SRRT: variants seen among roughly 807,000 people sequenced by gnomAD.
The protein encoded by SRRT is serrate, RNA effector molecule.
A neutral mutation model predicts 103.2 loss-of-function variants in SRRT; 32 were observed. That is an observed-to-expected ratio of 0.31 (90% CI 0.23 to 0.42). SRRT has a LOEUF of 0.42. Ranked by LOEUF, SRRT falls within the 10% of genes least tolerant of loss-of-function variation. The pLI is 1.00. For missense variants in SRRT, 986 were observed against 1,207.5 expected (o/e 0.82, Z 2.72); for synonymous variants, 525 against 449.0 (o/e 1.17, Z -2.14).
chr7:100,885,601 A>C lies in SRRT; in HGVS notation c.1318-100A>C. On this transcript the variant is annotated intron_variant, in intron 10 of 19. Transcript: ENST00000611405. This position sits in a 1 kb window ranked among gnomAD's most constrained non-coding sequence, Gnocchi z 4.8. ...CCTGCCCAAGGATGGGAAGAGTGAT[A>C]AGGCAGTTAGTCCCTAGGGTTCTGA... 7.7e-7 allele frequency: 1 copy of C among 1,302,650 alleles called. No homozygotes were observed. Among genetic ancestry groups the C allele is most frequent in the South Asian group, 1.3e-5 (1 of 78,842 alleles). 80.7% of individuals were successfully genotyped at this position (1,302,650 alleles called of 1,614,324 possible).
At chr7:100,877,886 G>T (rs184968712) in intron 2 of SRRT, among the ~76,000 whole-genome samples, 131 of 152,304 alleles carry the variant, frequency 8.6e-4, no homozygotes, top group East Asian at 7.7e-4. Context: ...ATTTTTACTT[G>T]AATGAATGAC....
rs1563020049 is a variant in SRRT, at chr7:100,884,809, A to C, written c.1012A>C (p.Lys338Gln). The C allele has an allele frequency of 6.2e-7, 1 of 1,613,922 alleles. No homozygotes were observed. The highest frequency in any genetic ancestry group is 8.5e-7 in the Non-Finnish European group (1 of 1,180,010). Residue 338 changes from lysine to glutamine, a missense_variant, in exon 8 of 20, where the codon AAA becomes CAA. Transcript: ENST00000611405. The part of the protein sequence containing the change: ...SEGDGDKEEK[K>Q]EDSEKEAKKS... ...GGGTGATGGGGACAAGGAAGAGAAG[A>C]AAGAAGACTCCGAGAAGGAAGCCAA...
chr7:100,886,545 C>A, intron 13 of SRRT, 110 bp downstream of exon 13: 1 of 1,214,234 alleles, frequency 8.2e-7, no homozygotes, highest in Non-Finnish European at 1.1e-6. Flanking sequence ...CACTCGCCTG[C>A]TCACTCATTT....
rs1157990229 is a variant in SRRT at position 100,881,272 on chromosome 7, T to C, written c.123-13T>C. The C allele has an allele frequency of 3.7e-6, 6 of 1,604,650 alleles. No individual in the cohort carries two copies. The Admixed American group carries it at 1.0e-4, about 27-fold the overall frequency. ...CCTGGCCTTTAATCTTTGTTACTTG[T>C]TCTTACTGCCAGAGAGTGGGACCGT... On this transcript the variant is annotated splice_polypyrimidine_tract_variant and intron_variant, in intron 2 of 19. Transcript: ENST00000611405.
At position 100,885,987 on chromosome 7, in the gene SRRT, G is replaced by A. The variant is rs773654969; in HGVS notation, c.1458+46G>A. 2.5e-6 allele frequency: 4 copies of A among 1,589,392 alleles called. No individual in the cohort carries two copies. The East Asian group carries it at 6.7e-5, about 27-fold the overall frequency. On this transcript the variant is annotated intron_variant, in intron 12 of 19. Coordinates refer to ENST00000611405, the MANE Select transcript of SRRT (RefSeq NM_015908.6). The surrounding 1 kb of genome is among the most constrained non-coding windows in gnomAD (Gnocchi z 4.8). ...TGTGGGGAAGAGGAAGGGAGACTCT[G>A]TGCCACACGGGACCTCTGTGTGACT...
At chr7:100,886,483 C>T (rs747070676) in intron 13 of SRRT, 48 bp downstream of exon 13, 3 of 1,544,840 alleles carry the variant, frequency 1.9e-6, no homozygotes, top group Admixed American at 3.7e-5. Flanking sequence ...GGTAGTGCCT[C>T]TGCTGTGGGC....
In SRRT at chr7:100,882,134, T is replaced by A. The variant is rs1789635040; in HGVS notation, c.480T>A (p.Asp160Glu). ...KTFKEFLLSL[D>E]DSVDETEAVK... ...TCAAGGAGTTTCTCCTCTCCCTGGATGACTCGGTGGATGAGACGGAGGCCG... is the reference window on the plus strand; with the variant it reads ...TCAAGGAGTTTCTCCTCTCCCTGGAAGACTCGGTGGATGAGACGGAGGCCG... Residue 160 changes from aspartate to glutamate, a missense_variant, in exon 5 of 20, where the codon GAT becomes GAA. Asp to Glu is a conservative substitution (Grantham distance 45). Coordinates refer to ENST00000611405, the MANE Select transcript of SRRT (RefSeq NM_015908.6). This position sits in a 1 kb window ranked among gnomAD's most constrained non-coding sequence, Gnocchi z 4.2. 9 of 1,614,024 alleles carry A rather than the reference T, an allele frequency of 5.6e-6. No homozygotes were observed. The highest frequency in any genetic ancestry group is 7.6e-6 in the Non-Finnish European group (9 of 1,180,024).
chr7:100,877,449 CCA>C (rs1815853963), intron 2 of SRRT, among the ~76,000 whole-genome samples: 1 of 147,740 alleles, frequency 6.8e-6, no homozygotes, highest in Non-Finnish European at 1.5e-5. Flanking sequence ...AAAGCCACTT[CCA>C]TCAATGATTC....
Position 100,875,693 on chromosome 7 carries a change from G to A in SRRT, c.103G>A (p.Gly35Arg). 6.2e-7 allele frequency: 1 copy of A among 1,614,048 alleles called. No homozygotes were observed. The highest frequency in any genetic ancestry group is 8.5e-7 in the Non-Finnish European group (1 of 1,179,932). Reference protein sequence around the residue: ...RSRERDERRRGDDWNDREWDR... With the variant: ...RSRERDERRRRDDWNDREWDR... Reference sequence around the variant, plus strand: ...CCGCGAGAGAGATGAAAGACGTCGAGGGGACGATTGGAATGACAGGTGAGC... The same window carrying A: ...CCGCGAGAGAGATGAAAGACGTCGAAGGGACGATTGGAATGACAGGTGAGC... Residue 35 changes from glycine to arginine, a missense_variant, in exon 2 of 20, where the codon GGG becomes AGG. By Grantham distance (125) the Gly-to-Arg change is moderately radical. This residue lies in a region of SRRT where 274 missense variants were observed against 358.5 expected (regional missense o/e 0.76). Coordinates refer to ENST00000611405, the MANE Select transcript of SRRT (RefSeq NM_015908.6).
In SRRT at chr7:100,881,704, C is replaced by T. The variant is rs1030518665; in HGVS notation, c.297C>T (p.Pro99=). The part of the protein sequence containing the change: ...SDPYHSGYEM[P]YAGGGGGPTY... ...CATACCACAGTGGCTATGAGATGCC[C>T]TATGCTGGGGGGGGTGGGGGCCCAA... The change falls in exon 4 of 20, where the codon CCC becomes CCT. Residue 99 remains proline (P), a synonymous_variant. Coordinates refer to ENST00000611405, the MANE Select transcript of SRRT (RefSeq NM_015908.6). 5.0e-6 allele frequency: 8 copies of T among 1,614,008 alleles called. No individual in the cohort carries two copies. The highest frequency in any genetic ancestry group is 6.8e-6 in the Non-Finnish European group (8 of 1,179,998).
Position 100,885,158 on chromosome 7 carries a change from A to G in SRRT, c.1160-55A>G. 1 of 1,604,316 alleles carries G rather than the reference A, an allele frequency of 6.2e-7. No individual in the cohort carries two copies. Among genetic ancestry groups the G allele is most frequent in the Non-Finnish European group, 8.5e-7 (1 of 1,174,248 alleles). Reference sequence around the variant, plus strand: ...AGGGGAAAGCTTCTGTATCCTCCCCACCACAATCAGTAATAAAAATGCACC... The same window carrying G: ...AGGGGAAAGCTTCTGTATCCTCCCCGCCACAATCAGTAATAAAAATGCACC... On this transcript the variant is annotated intron_variant, in intron 9 of 19. Transcript: ENST00000611405. This position sits in a 1 kb window ranked among gnomAD's most constrained non-coding sequence, Gnocchi z 4.8.
intron 2 of SRRT, 120 bp downstream of exon 2, chr7:100,875,832 A>G: frequency 7.5e-7 from 1 of 1,327,820 alleles, no homozygotes; most frequent in South Asian, 1.3e-5. Flanking sequence ...GGCTCATTGG[A>G]CCGTTTTCTG....
intron 6 of SRRT, 25 bp downstream of exon 6, chr7:100,884,264 G>A (rs765301567): frequency 3.1e-6 from 5 of 1,614,026 alleles, no homozygotes; most frequent in Non-Finnish European, 4.2e-6. Flanking sequence ...AGGGGTGGCA[G>A]GCATCTGGGC....
At position 100,884,780 on chromosome 7, in the gene SRRT, C is replaced by T. The variant is rs755172483; in HGVS notation, c.983C>T (p.Ser328Leu). Residue 328 changes from serine (S) to leucine (L), a missense_variant, in exon 8 of 20, where the codon TCG becomes TTG. Coordinates refer to ENST00000611405, the MANE Select transcript of SRRT (RefSeq NM_015908.6). Reference protein sequence around the residue: ...DSSNDDKTKKSEGDGDKEEKK... With the variant: ...DSSNDDKTKKLEGDGDKEEKK... ...TCTAATGATGACAAAACAAAGAAGT[C>T]GGAGGGTGATGGGGACAAGGAAGAG... 1.7e-5 allele frequency: 27 copies of T among 1,613,650 alleles called. No individual in the cohort carries two copies. The highest frequency in any genetic ancestry group is 2.7e-5 in the African/African-American group (2 of 74,760).
At chr7:100,881,492 T>G in intron 3 of SRRT, 79 bp downstream of exon 3, 1 of 1,575,042 alleles carries the variant, frequency 6.3e-7, no homozygotes, top group Non-Finnish European at 8.6e-7. Flanking sequence ...CACCTGTGCC[T>G]AAATCTTTGT....
At position 100,887,091 on chromosome 7, in the gene SRRT, G is replaced by T. The variant is rs1046329487; in HGVS notation, c.1866G>T (p.Leu622Phe). The T allele has an allele frequency of 1.2e-6, 2 of 1,614,102 alleles. No individual in the cohort carries two copies. The highest frequency in any genetic ancestry group is 1.7e-6 in the Non-Finnish European group (2 of 1,180,054). Residue 622 changes from leucine (L) to phenylalanine (F), a missense_variant, in exon 15 of 20, where the codon TTG becomes TTT. This residue lies in a region of SRRT where 349 missense variants were observed against 446.9 expected (regional missense o/e 0.78). Transcript: ENST00000611405. The surrounding 1 kb of genome is among the most constrained non-coding windows in gnomAD (Gnocchi z 4.1). Reference protein sequence around the residue: ...LLLYLRIVHSLDYYNTCEYPN... With the variant: ...LLLYLRIVHSFDYYNTCEYPN... ...TTTACCTGCGCATCGTGCATTCCTT[G>T]GATTATTACAACACCTGTGAGTACC...
rs778368887 is a variant in SRRT at position 100,887,297 on chromosome 7, C to G, written c.1976-23C>G. 13 of 1,611,484 alleles carry G rather than the reference C, an allele frequency of 8.1e-6. No homozygotes were observed. Among genetic ancestry groups the G allele is most frequent in the Non-Finnish European group, 1.1e-5 (13 of 1,178,050 alleles). ...CCTTCTGGCTCCCTTGCCAACCTTC[C>G]TTCCTCTGTTCCCAAACCACAGTGC... is the stretch of plus-strand genomic sequence containing the variant. On this transcript the variant is annotated intron_variant, in intron 15 of 19. Transcript: ENST00000611405. This position sits in a 1 kb window ranked among gnomAD's most constrained non-coding sequence, Gnocchi z 4.1.
intron 13 of SRRT, 36 bp downstream of exon 13, chr7:100,886,471 C>G (rs376390880): frequency 1.9e-6 from 3 of 1,573,804 alleles, no homozygotes; most frequent in Non-Finnish European, 2.6e-6. Flanking sequence ...TCAGAAGCAA[C>G]TGGTAGTGCC....
Position 100,885,442 on chromosome 7 carries a change from C to A in SRRT, c.1317+72C>A. The A allele has an allele frequency of 6.7e-7, 1 of 1,492,752 alleles. No individual in the cohort carries two copies. Among genetic ancestry groups the A allele is most frequent in the East Asian group, 2.4e-5 (1 of 42,366 alleles). 92.5% of individuals were successfully genotyped at this position (1,492,752 alleles called of 1,614,324 possible). On this transcript the variant is annotated intron_variant, in intron 10 of 19. Coordinates refer to ENST00000611405, the MANE Select transcript of SRRT (RefSeq NM_015908.6). The surrounding 1 kb of genome is among the most constrained non-coding windows in gnomAD (Gnocchi z 4.8). Reference sequence around the variant, plus strand: ...AGGGTAGAGGGAAGGCAGTGGGGCCCTGCCTGTGACAGATGCCCCCGTTTC... The same window carrying A: ...AGGGTAGAGGGAAGGCAGTGGGGCCATGCCTGTGACAGATGCCCCCGTTTC...
Sources: allele counts gnomAD v4.1 joint callset (sites outside exome capture counted in the v4.1 genomes callset), GRCh38; gene constraint gnomAD v4.1.1; regional missense constraint gnomAD v4.1.1; non-coding constraint Gnocchi (gnomAD v3.1); transcripts MANE v1.5; gene names NCBI Gene and HGNC (gene_info 2026-07-23, HGNC 2026-07-21).